The following GCHFR variants were observed in gnomAD, a reference collection of about 807,000 sequenced individuals.
GCHFR encodes GTP cyclohydrolase I feedback regulator.
GCHFR carries 12 observed loss-of-function variants against 10.6 expected under a neutral mutation model. The ratio of observed to expected loss-of-function variants is 1.13; its 90% CI spans 0.72 to 1.83. GCHFR has a LOEUF of 1.83. Among genes scored for constraint, GCHFR ranks in the 40% most tolerant of loss-of-function variants. The pLI is 0.00. For synonymous variants in GCHFR, 54 were observed against 43.7 expected, an observed-to-expected ratio of 1.24 and a Z score of -0.93; for missense variants, 116 against 110.6, an observed-to-expected ratio of 1.05 and a Z score of -0.22.
chr15:40,765,892 T>C lies in GCHFR; in HGVS notation c.102T>C (p.Ala34=). Residue 34 remains alanine (A), a synonymous_variant, in exon 2 of 3, where the codon GCT becomes GCC. Coordinates refer to ENST00000260447, the MANE Select transcript of GCHFR (RefSeq NM_005258.3). ...SDPELMQHLG[A]SKRRALGNNF... The stretch of plus-strand genomic sequence containing the variant: ...CAGAGCTGATGCAGCATCTGGGGGC[T>C]TCAAAGAGAAGAGCCTTGGGAAACA... 1 of 1,580,014 alleles carries C rather than the reference T, an allele frequency of 6.3e-7. No homozygotes were observed.
At chr15:40,764,721 A>T (rs1008651674) in intron 1 of GCHFR, 4 of 154,118 alleles carry the variant, frequency 2.6e-5, no homozygotes, top group African/African-American at 9.6e-5. Context: ...CTATCCCTGA[A>T]GCTTTAGGGA....
In GCHFR at chr15:40,767,631, C is replaced by T. The variant is rs1410022936; in HGVS notation, c.*282C>T. On this transcript the variant is annotated 3_prime_UTR_variant, in exon 3 of 3. Transcript: ENST00000260447. ...TGTTCCTCGGGCAGCTGCCCCGGGC[C>T]GGAGCTGGGCACTCCAGCGGCCCTG... The T allele has an allele frequency of 1.2e-5, 7 of 576,940 alleles. No individual in the cohort carries two copies. Among genetic ancestry groups the T allele is most frequent in the Non-Finnish European group, 2.1e-5 (7 of 340,484 alleles). 35.7% of individuals were successfully genotyped at this position (576,940 alleles called of 1,614,324 possible). A position where few individuals can be genotyped will look rare whatever the true frequency, so the allele number is the denominator to read the frequency against.
rs530255389 is a variant in GCHFR at position 40,765,943 on chromosome 15, T to C, written c.131+22T>C. On this transcript the variant is annotated intron_variant, in intron 2 of 2. Transcript: ENST00000260447. Reference sequence around the variant, plus strand: ...ACTTGTAAGTAGCAGCCTCCCTCAGTATCCTCTCCCTGCCAGCCCCTAGAC... The same window carrying C: ...ACTTGTAAGTAGCAGCCTCCCTCAGCATCCTCTCCCTGCCAGCCCCTAGAC... 7.6e-6 allele frequency: 10 copies of C among 1,321,964 alleles called. No homozygotes were observed. In the East Asian group the frequency reaches 1.9e-4, roughly 26 times the overall value. 81.9% of individuals were successfully genotyped at this position (1,321,964 alleles called of 1,614,324 possible).
Position 40,764,145 on chromosome 15 carries a change from A to G in GCHFR, c.-36A>G. ...GGGCTGGAGTCGGCGTCCAGCCTAG[A>G]GCCCCCGGTGGGAGCCAGGCCGGGA... On this transcript the variant is annotated 5_prime_UTR_variant, in exon 1 of 3. Transcript: ENST00000260447. The G allele has an allele frequency of 2.0e-6, 3 of 1,537,300 alleles. No homozygotes were observed. Among genetic ancestry groups the G allele is most frequent in the Non-Finnish European group, 2.6e-6 (3 of 1,142,864 alleles).
At position 40,767,589 on chromosome 15, in the gene GCHFR, G is replaced by C; in HGVS notation, c.*240G>C. On this transcript the variant is annotated 3_prime_UTR_variant, in exon 3 of 3. Coordinates refer to ENST00000260447, the MANE Select transcript of GCHFR (RefSeq NM_005258.3). ...CCCTCCTGCTTCGGGCCTGGGCCGA[G>C]GGCCTTGTGTAGGCCATGTTCCTCG... 1.7e-6 allele frequency: 1 copy of C among 596,002 alleles called. No individual in the cohort carries two copies. The highest frequency in any genetic ancestry group is 2.8e-6 in the Non-Finnish European group (1 of 356,058). 36.9% of individuals were successfully genotyped at this position (596,002 alleles called of 1,614,324 possible).
At chr15:40,766,017 G>T in intron 2 of GCHFR, 96 bp downstream of exon 2, 1 of 541,872 alleles carries the variant, frequency 1.8e-6, no homozygotes, top group Non-Finnish European at 3.2e-6. Flanking sequence ...ACAGGGCCCA[G>T]CATCAGAGCC....
chr15:40,764,416 T>G (rs1273655989), intron 1 of GCHFR, 200 bp downstream of exon 1: 1 of 508,088 alleles, frequency 2.0e-6, no homozygotes, highest in Non-Finnish European at 3.4e-6. Flanking sequence ...CTGGCCGGCC[T>G]GAAGCCTTTA....
At chr15:40,767,137 G>A in intron 2 of GCHFR, 89 bp from the exon 3 acceptor site, 2 of 1,356,664 alleles carry the variant, frequency 1.5e-6, no homozygotes, top group Non-Finnish European at 1.9e-6. Context: ...CACTACAAGA[G>A]TGGCCAGGCT....
At chr15:40,764,256 G>T in intron 1 of GCHFR, 40 bp downstream of exon 1, 1 of 1,524,904 alleles carries the variant, frequency 6.6e-7, no homozygotes. Context: ...CCGGGACCAG[G>T]CCCTAGGGGG....
At position 40,767,495 on chromosome 15, in the gene GCHFR, G is replaced by T; in HGVS notation, c.*146G>T. 1 of 919,534 alleles carries T rather than the reference G, an allele frequency of 1.1e-6. No homozygotes were observed. Among genetic ancestry groups the T allele is most frequent in the East Asian group, 3.0e-5 (1 of 32,852 alleles). 57.0% of individuals were successfully genotyped at this position (919,534 alleles called of 1,614,324 possible). A position where few individuals can be genotyped will look rare whatever the true frequency, so the allele number is the denominator to read the frequency against. On this transcript the variant is annotated 3_prime_UTR_variant, in exon 3 of 3. Transcript: ENST00000260447. ...GGCCCAGCCCCAAAGGGCAGTGAAT[G>T]GCCTTCTCTGAAACCCTGCGTCAAG... is the stretch of plus-strand genomic sequence containing the variant.
Position 40,767,304 on chromosome 15 carries a change from G to A in GCHFR, c.210G>A (p.Met70Ile), listed in dbSNP as rs1322439918. ...GCAGGGGCTTCCGTGTGCTGAGCAT[G>A]ACGGGGGTGGGCCAGACGCTGGTGT... ...LERRGFRVLSMTGVGQTLVWC... is the reference protein window; with the variant it reads ...LERRGFRVLSITGVGQTLVWC... The change falls in exon 3 of 3, where the codon ATG becomes ATA. Residue 70 changes from methionine (M) to isoleucine (I), a missense_variant. Transcript: ENST00000260447. The A allele has an allele frequency of 6.2e-7, 1 of 1,604,408 alleles. No individual in the cohort carries two copies. The highest frequency in any genetic ancestry group is 1.3e-5 in the African/African-American group (1 of 74,256).
intron 1 of GCHFR, among the ~76,000 whole-genome samples, chr15:40,764,785 G>C (rs907787401): frequency 6.6e-6 from 1 of 152,228 alleles, no homozygotes; most frequent in Non-Finnish European, 1.5e-5. Context: ...AGAAGGGGCT[G>C]TGCAGTTAGA....
intron 1 of GCHFR, 193 bp downstream of exon 1, chr15:40,764,409 G>A: frequency 2.0e-6 from 1 of 488,894 alleles, no homozygotes; most frequent in Non-Finnish European, 3.6e-6. Context: ...GCGAGCTCTG[G>A]CCGGCCTGAA....
rs1045955424 is a variant in GCHFR, at chr15:40,767,302, A to C, written c.208A>C (p.Met70Leu). Reference protein sequence around the residue: ...LERRGFRVLSMTGVGQTLVWC... With the variant: ...LERRGFRVLSLTGVGQTLVWC... ...ACGCAGGGGCTTCCGTGTGCTGAGCATGACGGGGGTGGGCCAGACGCTGGT... is the reference window on the plus strand; with the variant it reads ...ACGCAGGGGCTTCCGTGTGCTGAGCCTGACGGGGGTGGGCCAGACGCTGGT... Residue 70 changes from methionine to leucine, a missense_variant, in exon 3 of 3, where the codon ATG (methionine) becomes CTG (leucine). Met to Leu is a conservative substitution (Grantham distance 15, BLOSUM62 2). Coordinates refer to ENST00000260447, the MANE Select transcript of GCHFR (RefSeq NM_005258.3). 1.2e-6 allele frequency: 2 copies of C among 1,604,422 alleles called. No homozygotes were observed. The highest frequency in any genetic ancestry group is 1.3e-5 in the African/African-American group (1 of 74,250).
Position 40,765,880 on chromosome 15 carries a change from G to C in GCHFR, c.90G>C (p.Gln30His), listed in dbSNP as rs765050774. The C allele has an allele frequency of 6.3e-7, 1 of 1,581,714 alleles. No individual in the cohort carries two copies. The highest frequency in any genetic ancestry group is 1.3e-5 in the African/African-American group (1 of 74,138). The change falls in exon 2 of 3, where the codon CAG becomes CAC. Residue 30 changes from glutamine (Q) to histidine (H), a missense_variant. Transcript: ENST00000260447. ...AACAGTCGGATCCAGAGCTGATGCA[G>C]CATCTGGGGGCTTCAAAGAGAAGAG... Reference protein sequence around the residue: ...GDEQSDPELMQHLGASKRRAL... With the variant: ...GDEQSDPELMHHLGASKRRAL...
chr15:40,767,279 G>C lies in GCHFR; in HGVS notation c.185G>C (p.Arg62Pro), dbSNP rs1273954697. ...PPRIVLDKLE[R>P]RGFRVLSMTG... ...CGCATAGTCCTGGACAAGCTGGAACGCAGGGGCTTCCGTGTGCTGAGCATG... is the reference window on the plus strand; with the variant it reads ...CGCATAGTCCTGGACAAGCTGGAACCCAGGGGCTTCCGTGTGCTGAGCATG... Residue 62 changes from arginine to proline, a missense_variant, in exon 3 of 3, where the codon CGC becomes CCC. By Grantham distance (103) the Arg-to-Pro change is moderately radical (BLOSUM62 -2). Coordinates refer to ENST00000260447, the MANE Select transcript of GCHFR (RefSeq NM_005258.3). 1 of 1,604,094 alleles carries C rather than the reference G, an allele frequency of 6.2e-7. No individual in the cohort carries two copies. The highest frequency in any genetic ancestry group is 1.7e-5 in the Admixed American group (1 of 58,996).
Position 40,764,102 on chromosome 15 carries a change from G to T in GCHFR, c.-79G>T. On this transcript the variant is annotated 5_prime_UTR_variant, in exon 1 of 3. Coordinates refer to ENST00000260447, the MANE Select transcript of GCHFR (RefSeq NM_005258.3). ...GTAACGGGACTCCCAGCTGCGCGTC[G>T]CAGTCCCGACGCGAGAAGGGCTGGA... 1 of 1,385,724 alleles carries T rather than the reference G, an allele frequency of 7.2e-7. No individual in the cohort carries two copies. The allele number at this position is 1,385,724 out of a possible 1,614,324, so 85.8% of individuals were successfully genotyped here.
rs1394123958 is a variant in GCHFR, at chr15:40,764,148, C to T, written c.-33C>T. ...CTGGAGTCGGCGTCCAGCCTAGAGC[C>T]CCCGGTGGGAGCCAGGCCGGGACGC... On this transcript the variant is annotated 5_prime_UTR_variant, in exon 1 of 3. Coordinates refer to ENST00000260447, the MANE Select transcript of GCHFR (RefSeq NM_005258.3). 1 of 1,538,998 alleles carries T rather than the reference C, an allele frequency of 6.5e-7. No homozygotes were observed. Among genetic ancestry groups the T allele is most frequent in the African/African-American group, 1.4e-5 (1 of 71,960 alleles).
rs772079236 is a variant in GCHFR at position 40,767,457 on chromosome 15, C to T, written c.*108C>T. 17 of 1,262,014 alleles carry T rather than the reference C, an allele frequency of 1.3e-5. No individual in the cohort carries two copies. The highest frequency in any genetic ancestry group is 1.7e-5 in the Non-Finnish European group (16 of 929,306). The allele number at this position is 1,262,014 out of a possible 1,614,324, so 78.2% of individuals were successfully genotyped here. A position where few individuals can be genotyped will look rare whatever the true frequency, so the allele number is the denominator to read the frequency against. On this transcript the variant is annotated 3_prime_UTR_variant, in exon 3 of 3. Transcript: ENST00000260447. ...CTGCCTTGCTCCTCTCTTCCCAAAT[C>T]ATCACCGCCATGGGCCCAGCCCCAA...
Sources: gnomAD v4.1 joint callset for allele counts (sites outside exome capture counted in the v4.1 genomes callset) on GRCh38, gnomAD v4.1.1 for gene constraint, MANE v1.5 for transcripts, NCBI Gene and HGNC (gene_info 2026-07-23, HGNC 2026-07-21) for gene names.